The following CA10 variants were observed in gnomAD, a reference collection of about 807,000 sequenced individuals.
CA10 encodes carbonic anhydrase 10 (inactive), also known as carbonic anhydrase-related protein 10.
Under a neutral mutation model 44.2 loss-of-function variants are expected in CA10, and 14 were observed. The observed-to-expected ratio is 0.32, with a 90% CI of 0.21 to 0.50. The LOEUF (loss-of-function observed/expected upper bound fraction) is 0.50. CA10 is among the 20% of genes least tolerant of loss of function. CA10 has a pLI of 0.99. For synonymous variants in CA10, 159 were observed against 141.6 expected (o/e 1.12, Z -0.87); for missense variants, 350 against 409.7 (o/e 0.85, Z 1.26).
chr17:51,696,076 GTTGCAGATTT>G (rs1307616275), intron 4 of CA10, among the ~76,000 whole-genome samples: 1 of 152,014 alleles, frequency 6.6e-6, no homozygotes, highest in Non-Finnish European at 1.5e-5. Flanking sequence ...CTAGTATTTC[GTTGCAGATTT>G]TTACATCTAT....
intron 3 of CA10, among the ~76,000 whole-genome samples, chr17:51,815,645 C>G (rs1398630885): frequency 6.6e-6 from 1 of 152,114 alleles, no homozygotes; most frequent in East Asian, 1.9e-4. Flanking sequence ...GGGGAGAATT[C>G]TGAAATCTGA....
intron 1 of CA10, among the ~76,000 whole-genome samples, chr17:52,072,914 T>G (rs980921598): frequency 6.6e-6 from 1 of 151,426 alleles, no homozygotes; most frequent in African/African-American, 2.4e-5. Context: ...GTGGTGGAGG[T>G]TTTTGACATC....
intron 6 of CA10, among the ~76,000 whole-genome samples, chr17:51,644,479 G>A (rs1268764923): frequency 6.6e-6 from 1 of 152,088 alleles, no homozygotes; most frequent in South Asian, 2.1e-4. Flanking sequence ...TTTCACCAAC[G>A]TTTAAACGCC....
chr17:52,154,780 A>G (rs946501103), intron 1 of CA10, among the ~76,000 whole-genome samples: 6 of 152,220 alleles, frequency 3.9e-5, no homozygotes, highest in African/African-American at 1.4e-4. Context: ...TCTCACAAAT[A>G]AAAGACATAC....
intron 3 of CA10, among the ~76,000 whole-genome samples, chr17:51,777,076 A>C (rs1351362262): frequency 6.6e-6 from 1 of 152,212 alleles, no homozygotes; most frequent in Admixed American, 6.5e-5. Flanking sequence ...CAGTTTATAG[A>C]CTGAACAAAA....
At chr17:51,797,538 G>A (rs886410445) in intron 3 of CA10, among the ~76,000 whole-genome samples, 5 of 151,952 alleles carry the variant, frequency 3.3e-5, no homozygotes, top group African/African-American at 1.2e-4. Context: ...ATTATCAAGA[G>A]GTAAACCCCT....
chr17:51,652,344 A>G (rs1913606091), intron 5 of CA10, among the ~76,000 whole-genome samples: 1 of 152,266 alleles, frequency 6.6e-6, no homozygotes, highest in African/African-American at 2.4e-5. Flanking sequence ...TTATTATTCC[A>G]GGGTTTGTGA....
At chr17:51,901,603 G>A (rs1240091312) in intron 3 of CA10, among the ~76,000 whole-genome samples, 17 of 152,084 alleles carry the variant, frequency 1.1e-4, no homozygotes, top group Non-Finnish European at 1.6e-4. Flanking sequence ...GTGGTGGTGT[G>A]GCAGGGATGG....
intron 2 of CA10, among the ~76,000 whole-genome samples, chr17:52,044,239 T>C (rs1986846983): frequency 6.6e-6 from 1 of 152,130 alleles, no homozygotes; most frequent in Admixed American, 6.5e-5. Flanking sequence ...TTTCTCACTA[T>C]TGGTCTGTTC....
At chr17:51,654,148 C>G (rs375964092) in intron 4 of CA10, among the ~76,000 whole-genome samples, 1 of 152,166 alleles carries the variant, frequency 6.6e-6, no homozygotes, top group African/African-American at 2.4e-5. Context: ...CTTGCAGCCT[C>G]GGAGCAAACA....
intron 4 of CA10, among the ~76,000 whole-genome samples, chr17:51,659,015 T>C (rs569715878): frequency 1.3e-5 from 2 of 152,286 alleles, no homozygotes; most frequent in Admixed American, 1.3e-4. Flanking sequence ...TTTGTGATGG[T>C]TAATTTTATA....
At chr17:51,991,541 G>A (rs1261849773) in intron 2 of CA10, among the ~76,000 whole-genome samples, 1 of 152,116 alleles carries the variant, frequency 6.6e-6, no homozygotes, top group Non-Finnish European at 1.5e-5. Context: ...CAAACGTGGT[G>A]GCTCACACCT....
At chr17:51,934,255 G>T (rs1982777572) in intron 2 of CA10, among the ~76,000 whole-genome samples, 1 of 152,074 alleles carries the variant, frequency 6.6e-6, no homozygotes, top group South Asian at 2.1e-4. Flanking sequence ...GGCCATAGAG[G>T]CAGGGAGTAA....
At chr17:51,785,106 C>T (rs377229668) in intron 3 of CA10, among the ~76,000 whole-genome samples, 1 of 152,154 alleles carries the variant, frequency 6.6e-6, no homozygotes, top group Non-Finnish European at 1.5e-5. Flanking sequence ...GTGACATGAT[C>T]TCATTCTTTT....
intron 2 of CA10, among the ~76,000 whole-genome samples, chr17:52,019,481 T>C (rs139872653): frequency 6.6e-6 from 1 of 152,082 alleles, no homozygotes; most frequent in South Asian, 2.1e-4. Flanking sequence ...AATTTGTCAA[T>C]CCCACAAGCA....
intron 4 of CA10, among the ~76,000 whole-genome samples, chr17:51,721,105 G>A (rs1218088707): frequency 6.6e-6 from 1 of 152,074 alleles, no homozygotes; most frequent in Non-Finnish European, 1.5e-5. Context: ...TGAGGTGGAC[G>A]GATCACCTAA....
intron 2 of CA10, among the ~76,000 whole-genome samples, chr17:51,975,074 T>A (rs1357309411): frequency 6.6e-6 from 1 of 152,060 alleles, no homozygotes; most frequent in African/African-American, 2.4e-5. Flanking sequence ...TGCAGTAAGT[T>A]AAACATGCAC....
intron 3 of CA10, among the ~76,000 whole-genome samples, chr17:51,788,410 A>G (rs1185159379): frequency 2.0e-5 from 3 of 152,222 alleles, no homozygotes; most frequent in Admixed American, 6.5e-5. Context: ...GAGGAAACAA[A>G]TGTGTATTCT....
At chr17:51,906,354 C>T (rs1275857545) in intron 3 of CA10, among the ~76,000 whole-genome samples, 2 of 152,068 alleles carry the variant, frequency 1.3e-5, no homozygotes, top group South Asian at 4.1e-4. Flanking sequence ...CAGCTAATTG[C>T]TCTCTCCAGG....
Sources: allele counts gnomAD v4.1 joint callset (sites outside exome capture counted in the v4.1 genomes callset), GRCh38; gene constraint gnomAD v4.1.1; transcripts MANE v1.5; gene names NCBI Gene and HGNC (gene_info 2026-07-23, HGNC 2026-07-21).